DPYSL2: variants seen among roughly 807,000 people sequenced by gnomAD.
DPYSL2 encodes dihydropyrimidinase like 2.
Under a neutral mutation model 69.9 loss-of-function variants are expected in DPYSL2, and 13 were observed. That is an observed-to-expected ratio of 0.19 (90% CI 0.12 to 0.30). The LOEUF is 0.30. Among genes scored for constraint, DPYSL2 ranks in the 10% least tolerant of loss-of-function variants. DPYSL2 has a pLI of 1.00. For missense variants in DPYSL2, 587 were observed against 918.9 expected (o/e 0.64, Z 4.67); for synonymous variants, 326 against 359.1 (o/e 0.91, Z 1.04).
At chr8:26,549,493 G>A (rs941593081) in intron 1 of DPYSL2, among the ~76,000 whole-genome samples, 2 of 152,116 alleles carry the variant, frequency 1.3e-5, no homozygotes, top group African/African-American at 4.8e-5. Flanking sequence ...GAAAGGGACA[G>A]GGGACATACT....
chr8:26,543,854 G>A (rs374409251), intron 1 of DPYSL2, among the ~76,000 whole-genome samples: 5 of 151,972 alleles, frequency 3.3e-5, no homozygotes, highest in African/African-American at 4.8e-5. Context: ...CTTTCAGGCC[G>A]GGCTGGTCTT....
intron 1 of DPYSL2, chr8:26,577,876 T>G (rs906028274): frequency 9.0e-7 from 1 of 1,110,084 alleles, no homozygotes; most frequent in Non-Finnish European, 1.1e-6. Context: ...GCGGATGGCT[T>G]TTGCCTGAGA....
rs1405880610 is a variant in DPYSL2 at position 26,653,184 on chromosome 8, A to G, written c.1777-48A>G. On this transcript the variant is annotated intron_variant, in intron 12 of 13. Coordinates refer to ENST00000521913, the MANE Select transcript of DPYSL2 (RefSeq NM_001197293.3). This position sits in a 1 kb window ranked among gnomAD's most constrained non-coding sequence, Gnocchi z 5.7. ...CCTCCAGGAGGGTTTCTAGAGAGGT[A>G]TCCTCTGTGGCTGTGGCCTGAGCTG... The G allele has an allele frequency of 2.5e-6, 4 of 1,593,710 alleles. No individual in the cohort carries two copies. The highest frequency in any genetic ancestry group is 2.3e-5 in the South Asian group (2 of 87,678).
Position 26,642,839 on chromosome 8 carries a change from G to A in DPYSL2, c.1127-600G>A, listed in dbSNP as rs116471197. On this transcript the variant is annotated intron_variant, in intron 8 of 13. Coordinates refer to ENST00000521913, the MANE Select transcript of DPYSL2 (RefSeq NM_001197293.3). This position sits in a 1 kb window ranked among gnomAD's most constrained non-coding sequence, Gnocchi z 5.3. Reference sequence around the variant, plus strand: ...TCTCTCTCACAGAGTCAGCTGTGAAGATGGTGGCTGTAACGGACAGCTTCT... The same window carrying A: ...TCTCTCTCACAGAGTCAGCTGTGAAAATGGTGGCTGTAACGGACAGCTTCT... 41 of 152,408 alleles carry A rather than the reference G, an allele frequency of 2.7e-4. No individual in the cohort carries two copies. Among genetic ancestry groups the A allele is most frequent in the African/African-American group, 9.4e-4 (39 of 41,584 alleles). The allele number at this position is 152,408 out of a possible 1,614,324, so 9.4% of individuals were successfully genotyped here. A position where few individuals can be genotyped will look rare whatever the true frequency, so the allele number is the denominator to read the frequency against.
chr8:26,546,921 C>CAAAAAAAAAAAA (rs61360009), intron 1 of DPYSL2, among the ~76,000 whole-genome samples: 3 of 46,206 alleles, frequency 6.5e-5, no homozygotes, highest in Admixed American at 3.9e-4. Flanking sequence ...GACTCAGTCT[C>CAAAAAAAAAAAA]AAAAAAAAAA....
intron 1 of DPYSL2, among the ~76,000 whole-genome samples, chr8:26,569,364 A>T (rs1191894689): frequency 8.8e-6 from 1 of 113,226 alleles, no homozygotes; most frequent in African/African-American, 2.9e-5. Flanking sequence ...CAAAAAAAAA[A>T]CAAAAACAAA....
chr8:26,595,106 C>G (rs1801829742), intron 3 of DPYSL2, among the ~76,000 whole-genome samples: 1 of 151,894 alleles, frequency 6.6e-6, no homozygotes, highest in Non-Finnish European at 1.5e-5. Flanking sequence ...ACCTGTAGTC[C>G]TAGCTGCTTG....
chr8:26,529,297 AT>A (rs1470264209), intron 1 of DPYSL2, among the ~76,000 whole-genome samples: 3 of 141,774 alleles, frequency 2.1e-5, no homozygotes, highest in Admixed American at 7.2e-5. Context: ...CTATCTATCT[AT>A]CTATCATCTA....
In DPYSL2 at chr8:26,619,954, G is replaced by A. The variant is rs997084599; in HGVS notation, c.629-4189G>A. 1 of 152,004 alleles carries A rather than the reference G, an allele frequency of 6.6e-6. No homozygotes were observed. Among genetic ancestry groups the A allele is most frequent in the Non-Finnish European group, 1.5e-5 (1 of 68,054 alleles). 9.4% of individuals were successfully genotyped at this position (152,004 alleles called of 1,614,324 possible). A position where few individuals can be genotyped will look rare whatever the true frequency, so the allele number is the denominator to read the frequency against. On this transcript the variant is annotated intron_variant, in intron 3 of 13. Transcript: ENST00000521913. The surrounding 1 kb of genome is among the most constrained non-coding windows in gnomAD (Gnocchi z 4.8). ...ATCTGACGACACATCATTGGGATGT[G>A]GAGTCATGGTTCCAGTCACCAGCCT...
rs374599797 is a variant in DPYSL2 at position 26,597,775 on chromosome 8, CTTTTTTTTTTTT to C, written c.628+13801_628+13812del. On this transcript the variant is annotated intron_variant, in intron 3 of 13. Coordinates refer to ENST00000521913, the MANE Select transcript of DPYSL2 (RefSeq NM_001197293.3). The surrounding 1 kb of genome is among the most constrained non-coding windows in gnomAD (Gnocchi z 5.2). ...AGGCAAGAGCCACCGCACCTGGCCT[CTTTTTTTTTTTT>C]TTTTTTTTGAGGGGCAGAGACAAGG... Among the ~76,000 whole-genome samples, 1 of 127,158 alleles carries C rather than the reference CTTTTTTTTTTTT, an allele frequency of 7.9e-6. No homozygotes were observed. The highest frequency in any genetic ancestry group is 1.7e-5 in the Non-Finnish European group (1 of 60,322). The allele number at this position is 127,158 out of a possible 152,430, so 83.4% of individuals were successfully genotyped here.
intron 1 of DPYSL2, among the ~76,000 whole-genome samples, chr8:26,541,365 A>G (rs1366290657): frequency 6.6e-6 from 1 of 152,212 alleles, no homozygotes; most frequent in Non-Finnish European, 1.5e-5. Context: ...TGAGGAGTTC[A>G]TTACCACTAG....
Position 26,657,772 on chromosome 8 carries a change from T to TA in DPYSL2, c.*2072dup, listed in dbSNP as rs1462006344. The TA allele has an allele frequency of 5.9e-5, 9 of 152,758 alleles. No homozygotes were observed. The highest frequency in any genetic ancestry group is 1.2e-4 in the Non-Finnish European group (8 of 68,026). 9.5% of individuals were successfully genotyped at this position (152,758 alleles called of 1,614,324 possible). On this transcript the variant is annotated 3_prime_UTR_variant, in exon 14 of 14. Coordinates refer to ENST00000521913, the MANE Select transcript of DPYSL2 (RefSeq NM_001197293.3). ...TTTTTGGTTGTTTTGGTTGTTTTCT[T>TA]AAAAAACAAGTTAAAACCTGACGAT...
rs142676285 is a variant in DPYSL2 at position 26,556,999 on chromosome 8, G to A, written c.355-24970G>A. 9.6e-3 allele frequency among the ~76,000 whole-genome samples: 1,461 copies of A among 152,220 alleles called. 17 individuals carry two copies. The highest frequency in any genetic ancestry group is 0.033 in the African/African-American group (1,383 of 41,510). On this transcript the variant is annotated intron_variant, in intron 1 of 13. Transcript: ENST00000521913. The stretch of plus-strand genomic sequence containing the variant: ...AAATACAGCCTTTTCAACAAATGAT[G>A]CTGGAACAACTGGCCAACCCCATGC...
intron 1 of DPYSL2, chr8:26,548,335 A>T: frequency 4.1e-6 from 1 of 241,974 alleles, no homozygotes; most frequent in Non-Finnish European, 8.2e-6. Context: ...GCTGAGCTTT[A>T]TCATAATTTC....
At chr8:26,569,441 T>C (rs1162571012) in intron 1 of DPYSL2, among the ~76,000 whole-genome samples, 1 of 147,114 alleles carries the variant, frequency 6.8e-6, no homozygotes, top group Non-Finnish European at 1.5e-5. Context: ...GGCAGGTGCA[T>C]ATCTGGGAGG....
Position 26,655,779 on chromosome 8 carries a change from C to T in DPYSL2, c.*73C>T. On this transcript the variant is annotated 3_prime_UTR_variant, in exon 14 of 14. Transcript: ENST00000521913. ...AGGACATTCTGAGACTTCTTTCTTC[C>T]TTCCTTTTTTTTTTTTTGTTTTTTT... 8.1e-7 allele frequency: 1 copy of T among 1,228,500 alleles called. No homozygotes were observed. Among genetic ancestry groups the T allele is most frequent in the South Asian group, 1.8e-5 (1 of 56,910 alleles). The allele number at this position is 1,228,500 out of a possible 1,614,324, so 76.1% of individuals were successfully genotyped here.
chr8:26,652,764 G>A lies in DPYSL2; in HGVS notation c.1776+328G>A, dbSNP rs1029655696. On this transcript the variant is annotated intron_variant, in intron 12 of 13. Transcript: ENST00000521913. The surrounding 1 kb of genome is among the most constrained non-coding windows in gnomAD (Gnocchi z 6.3). Reference sequence around the variant, plus strand: ...GAGTTGGGCTTTGAAGGTTAAGTAGGAGTTTGTCAAGTCAAAGAAGGGAGA... The same window carrying A: ...GAGTTGGGCTTTGAAGGTTAAGTAGAAGTTTGTCAAGTCAAAGAAGGGAGA... 3.2e-4 allele frequency among the ~76,000 whole-genome samples: 48 copies of A among 152,244 alleles called. No homozygotes were observed. Among genetic ancestry groups the A allele is most frequent in the African/African-American group, 1.1e-3 (47 of 41,538 alleles).
Position 26,611,314 on chromosome 8 carries a change from T to G in DPYSL2, c.629-12829T>G, listed in dbSNP as rs557159690. 5.7e-4 allele frequency among the ~76,000 whole-genome samples: 87 copies of G among 152,330 alleles called. 1 individual carries two copies. Among genetic ancestry groups the G allele is most frequent in the Admixed American group, 2.6e-4 (4 of 15,294 alleles). ...TACTGGCTCTCTAGCATTTCTTTCA[T>G]TAGTGAGAGAATGTTTCAGCCCAGC... On this transcript the variant is annotated intron_variant, in intron 3 of 13. Transcript: ENST00000521913.
intron 1 of DPYSL2, among the ~76,000 whole-genome samples, chr8:26,528,111 C>T (rs1808510967): frequency 6.6e-6 from 1 of 152,082 alleles, no homozygotes; most frequent in Admixed American, 6.6e-5. Flanking sequence ...CTCATTTTGA[C>T]CCAGATTTGT....
Sources: allele counts gnomAD v4.1 joint callset (sites outside exome capture counted in the v4.1 genomes callset), GRCh38; gene constraint gnomAD v4.1.1; non-coding constraint Gnocchi (gnomAD v3.1); transcripts MANE v1.5; gene names NCBI Gene and HGNC (gene_info 2026-07-23, HGNC 2026-07-21).